Variants in ABHD3 observed in about 807,000 individuals in gnomAD.
The protein encoded by ABHD3 is abhydrolase domain containing 3, phospholipase.
In ABHD3, 46 loss-of-function variants were observed where a neutral mutation model predicts 48.8. The ratio of observed to expected loss-of-function variants is 0.94; its 90% CI spans 0.74 to 1.20. The LOEUF (loss-of-function observed/expected upper bound fraction) is 1.20, where lower values mean the gene tolerates loss of function less well. Among genes scored for constraint, ABHD3 ranks in the 50% most tolerant of loss-of-function variants. The pLI is 0.00. For synonymous variants in ABHD3, 192 were observed against 183.7 expected, an observed-to-expected ratio of 1.04 and a Z score of -0.36; for missense variants, 490 against 497.8, an observed-to-expected ratio of 0.98 and a Z score of 0.15.
chr18:21,676,388 T>C (rs2039882028), intron 4 of ABHD3, among the ~76,000 whole-genome samples: 1 of 152,240 alleles, frequency 6.6e-6, no homozygotes, highest in Non-Finnish European at 1.5e-5. Flanking sequence ...TTTTTGTCCA[T>C]TTTTAAAACT....
At chr18:21,682,975 T>G (rs538000900) in intron 4 of ABHD3, 5 of 152,412 alleles carry the variant, frequency 3.3e-5, no homozygotes, top group African/African-American at 1.2e-4. Context: ...CGAAATCGTG[T>G]TGATCTTCAT....
chr18:21,664,021 A>T, intron 5 of ABHD3, 97 bp downstream of exon 5: 1 of 1,453,662 alleles, frequency 6.9e-7, no homozygotes, highest in Non-Finnish European at 9.0e-7. Context: ...ACATTTATTT[A>T]AAAAGTGTCC....
intron 5 of ABHD3, chr18:21,663,636 TC>T (rs1246515942): frequency 6.5e-7 from 1 of 1,526,998 alleles, no homozygotes; most frequent in Admixed American, 2.0e-5. Context: ...CCACAGTAGT[TC>T]CATTTGCCCA....
intron 3 of ABHD3, among the ~76,000 whole-genome samples, chr18:21,690,541 G>T (rs1022474757): frequency 6.6e-6 from 1 of 152,176 alleles, no homozygotes; most frequent in African/African-American, 2.4e-5. Context: ...GGCGGAGCTT[G>T]CAGTGAGTCG....
intron 4 of ABHD3, among the ~76,000 whole-genome samples, chr18:21,669,050 CT>C (rs1211059494): frequency 1.3e-5 from 2 of 152,034 alleles, no homozygotes; most frequent in African/African-American, 2.4e-5. Context: ...AGCAAGACCC[CT>C]GTCTCTAAAT....
rs569568083 is a variant in ABHD3, at chr18:21,653,446, C to T, written c.1058-1683G>A. ...TTACAGGCGTATGCTACCTGTCTGG[C>T]CTGAGTATAACCTTTAAAAGATATG... is the stretch of plus-strand genomic sequence containing the variant. On this transcript the variant is annotated intron_variant, in intron 8 of 8. Transcript: ENST00000289119. Among the ~76,000 whole-genome samples, 4 of 151,726 alleles carry T rather than the reference C, an allele frequency of 2.6e-5. No individual in the cohort carries two copies. The East Asian group carries it at 8.0e-4, about 30-fold the overall frequency.
rs111334207 is a variant in ABHD3 at position 21,697,984 on chromosome 18, C to T, written c.509+4332G>A. ...GACCTGACATAATTCATGACTCTCC[C>T]TAAACCTTCAACCTTTACACAAATA... On this transcript the variant is annotated intron_variant, in intron 3 of 8. Transcript: ENST00000289119. 1.7e-3 allele frequency among the ~76,000 whole-genome samples: 265 copies of T among 152,086 alleles called. 2 individuals carry two copies. Among genetic ancestry groups the T allele is most frequent in the African/African-American group, 6.1e-3 (252 of 41,478 alleles).
At chr18:21,693,801 ACT>A (rs1482173540) in intron 3 of ABHD3, among the ~76,000 whole-genome samples, 1 of 152,258 alleles carries the variant, frequency 6.6e-6, no homozygotes, top group African/African-American at 2.4e-5. Context: ...AAAATGAGTT[ACT>A]GAGAAAAAAA....
intron 4 of ABHD3, among the ~76,000 whole-genome samples, chr18:21,679,473 G>T (rs1263074728): frequency 6.6e-6 from 1 of 152,126 alleles, no homozygotes; most frequent in Non-Finnish European, 1.5e-5. Context: ...ATGATCTAAC[G>T]AGTTAATACA....
intron 5 of ABHD3, chr18:21,661,735 C>T (rs535676289): frequency 6.6e-6 from 1 of 152,200 alleles, no homozygotes; most frequent in Admixed American, 6.5e-5. Context: ...TGCAATAGCA[C>T]AACGTAGGCT....
Position 21,703,632 on chromosome 18 carries a change from G to T in ABHD3, c.278C>A (p.Thr93Asn). The T allele has an allele frequency of 6.2e-7, 1 of 1,614,088 alleles. No individual in the cohort carries two copies. Among genetic ancestry groups the T allele is most frequent in the Non-Finnish European group, 8.5e-7 (1 of 1,180,006 alleles). The change falls in exon 2 of 9, where the codon ACC becomes AAC. Residue 93 changes from threonine (T) to asparagine (N), a missense_variant. By Grantham distance (65) the Thr-to-Asn change is moderately conservative (BLOSUM62 0). Coordinates refer to ENST00000289119, the MANE Select transcript of ABHD3 (RefSeq NM_138340.5). Reference sequence around the variant, plus strand: ...CGAAGTGATGAAAGGTCTAAGCAGGGTCTGTCCTCGACCCTCCCAGCACCA... The same window carrying T: ...CGAAGTGATGAAAGGTCTAAGCAGGTTCTGTCCTCGACCCTCCCAGCACCA... ...TVWCWEGRGQTLLRPFITSKP... is the reference protein window; with the variant it reads ...TVWCWEGRGQNLLRPFITSKP...
chr18:21,659,141 G>A (rs1555678363), intron 6 of ABHD3, 29 bp downstream of exon 6: 1 of 1,603,606 alleles, frequency 6.2e-7, no homozygotes, highest in South Asian at 1.1e-5. Flanking sequence ...GCCCGGCCCT[G>A]GAGACAACAG....
rs34344524 is a variant in ABHD3 at position 21,674,243 on chromosome 18, C to CT, written c.555+9676dup. ...AAAACATTCTTTCTTTTATTTTGAACTTTTTTTTTTTTTTTTGAGCTAGGT... is the reference window on the plus strand; with the variant it reads ...AAAACATTCTTTCTTTTATTTTGAACTTTTTTTTTTTTTTTTTGAGCTAGGT... On this transcript the variant is annotated intron_variant, in intron 4 of 8. Transcript: ENST00000289119. Among the ~76,000 whole-genome samples the CT allele has an allele frequency of 4.9e-3, 691 of 141,580 alleles. 4 individuals are homozygous for CT. The highest frequency in any genetic ancestry group is 9.8e-3 in the African/African-American group (379 of 38,644). 92.9% of individuals were successfully genotyped at this position (141,580 alleles called of 152,430 possible).
intron 4 of ABHD3, among the ~76,000 whole-genome samples, chr18:21,670,409 C>T (rs2039730565): frequency 6.6e-6 from 1 of 152,200 alleles, no homozygotes; most frequent in African/African-American, 2.4e-5. Context: ...CATTAATCTA[C>T]ACTATCAGAT....
chr18:21,667,502 A>C (rs2146295607), intron 4 of ABHD3, among the ~76,000 whole-genome samples: 1 of 151,866 alleles, frequency 6.6e-6, no homozygotes, highest in African/African-American at 2.4e-5. Context: ...CAGCCTCCCA[A>C]AGTGCTGGGA....
Position 21,656,716 on chromosome 18 carries a change from G to A in ABHD3, c.1057+145C>T, listed in dbSNP as rs2039358796. 1.6e-5 allele frequency: 12 copies of A among 761,874 alleles called. No individual in the cohort carries two copies. In the South Asian group the frequency reaches 2.5e-4, roughly 16 times the overall value. The allele number at this position is 761,874 out of a possible 1,614,324, so 47.2% of individuals were successfully genotyped here. On this transcript the variant is annotated intron_variant, in intron 8 of 8. Transcript: ENST00000289119. ...GTCTGTGAAAATATTTAAGTGATTT[G>A]AGACATTTAGATACTGTGTTATGAG...
At chr18:21,692,831 TA>T (rs2040282517) in intron 3 of ABHD3, among the ~76,000 whole-genome samples, 1 of 152,224 alleles carries the variant, frequency 6.6e-6, no homozygotes, top group Admixed American at 6.6e-5. Flanking sequence ...ATTTTGTCAA[TA>T]AAACACCCAG....
At chr18:21,692,229 C>A (rs533790999) in intron 3 of ABHD3, among the ~76,000 whole-genome samples, 1 of 152,164 alleles carries the variant, frequency 6.6e-6, no homozygotes, top group Non-Finnish European at 1.5e-5. Flanking sequence ...GGATTATAGG[C>A]GTGAGCCACC....
chr18:21,657,976 T>C (rs1354242095), intron 6 of ABHD3, among the ~76,000 whole-genome samples: 3 of 152,020 alleles, frequency 2.0e-5, no homozygotes, highest in Non-Finnish European at 2.9e-5. Context: ...GGTGGATGGA[T>C]TGCTTGAGTT....
Sources: gnomAD v4.1 joint callset for allele counts (sites outside exome capture counted in the v4.1 genomes callset) on GRCh38, gnomAD v4.1.1 for gene constraint, MANE v1.5 for transcripts, NCBI Gene and HGNC (gene_info 2026-07-23, HGNC 2026-07-21) for gene names.